The following CRISPLD2 variants were observed in gnomAD, a reference collection of about 807,000 sequenced individuals.
CRISPLD2 encodes cysteine rich secretory protein LCCL domain containing 2, also known as cysteine-rich secretory protein LCCL domain-containing 2.
A neutral mutation model predicts 71.1 loss-of-function variants in CRISPLD2; 47 were observed. That is an observed-to-expected ratio of 0.66 (90% CI 0.52 to 0.84). CRISPLD2 has a LOEUF of 0.84. Ranked by LOEUF, CRISPLD2 falls within the 40% of genes least tolerant of loss-of-function variation. The probability of loss-of-function intolerance (pLI) is 0.00; values close to 1 mark genes in which losing one functional copy is unlikely to be tolerated. For synonymous variants in CRISPLD2, 317 were observed against 250.1 expected, an observed-to-expected ratio of 1.27 and a Z score of -2.52; for missense variants, 830 against 651.1, an observed-to-expected ratio of 1.27 and a Z score of -2.99.
At chr16:84,831,826 C>T (rs577018491) in intron 1 of CRISPLD2, among the ~76,000 whole-genome samples, 13 of 152,322 alleles carry the variant, frequency 8.5e-5, no homozygotes, top group African/African-American at 3.1e-4. Context: ...CCTCCACCTC[C>T]CAGATTCAAG....
At chr16:84,857,266 A>T (rs1917266725) in intron 6 of CRISPLD2, among the ~76,000 whole-genome samples, 1 of 152,234 alleles carries the variant, frequency 6.6e-6, no homozygotes, top group African/African-American at 2.4e-5. Flanking sequence ...GAGGTGACTG[A>T]GGAAAGAGAT....
intron 14 of CRISPLD2, among the ~76,000 whole-genome samples, chr16:84,903,473 T>C (rs1471663418): frequency 6.6e-6 from 1 of 152,018 alleles, no homozygotes; most frequent in East Asian, 1.9e-4. Flanking sequence ...ATGCCTGTAA[T>C]TCCAGCTAGT....
chr16:84,877,732 T>C (rs2244489), intron 12 of CRISPLD2, among the ~76,000 whole-genome samples: 71,365 of 151,670 alleles, frequency 0.47, 19,425 homozygotes, highest in African/African-American at 0.75. Context: ...TGCCTGTAAT[T>C]CCAGCTACTT....
chr16:84,838,742 G>C lies in CRISPLD2; in HGVS notation c.240+7G>C. Reference sequence around the variant, plus strand: ...CTCCAACATGGAGTACATGGTGAGCGCCGGCTCCGGCCGCAGAGGCTGGCA... The same window carrying C: ...CTCCAACATGGAGTACATGGTGAGCCCCGGCTCCGGCCGCAGAGGCTGGCA... On this transcript the variant is annotated splice_region_variant and intron_variant, in intron 2 of 14. Transcript: ENST00000262424. 6.2e-7 allele frequency: 1 copy of C among 1,608,138 alleles called. No individual in the cohort carries two copies. Among genetic ancestry groups the C allele is most frequent in the African/African-American group, 1.3e-5 (1 of 74,978 alleles).
At chr16:84,894,633 A>C (rs1490488668) in intron 14 of CRISPLD2, among the ~76,000 whole-genome samples, 1 of 152,338 alleles carries the variant, frequency 6.6e-6, no homozygotes, top group South Asian at 2.1e-4. Context: ...AGCCAAAGGA[A>C]GAAGTAATGG....
rs34867853 is a variant in CRISPLD2 at position 84,829,828 on chromosome 16, T to G, written c.-74-8594T>G. Among the ~76,000 whole-genome samples the G allele has an allele frequency of 8.6e-3, 1,304 of 152,354 alleles. 19 individuals are homozygous for G. Among genetic ancestry groups the G allele is most frequent in the East Asian group, 0.036 (186 of 5,180 alleles). Reference sequence around the variant, plus strand: ...TATTGTCACAGTGGCCTCATCAGTTTGTGGACCACATGAAATGTTCAGTGC... The same window carrying G: ...TATTGTCACAGTGGCCTCATCAGTTGGTGGACCACATGAAATGTTCAGTGC... On this transcript the variant is annotated intron_variant, in intron 1 of 14. Transcript: ENST00000262424.
chr16:84,871,008 A>T (rs955087847), intron 8 of CRISPLD2, among the ~76,000 whole-genome samples: 2 of 152,158 alleles, frequency 1.3e-5, no homozygotes, highest in African/African-American at 4.8e-5. Context: ...CAATGAGCCG[A>T]GGTGTACTGG....
At chr16:84,838,896 T>C in intron 2 of CRISPLD2, 161 bp downstream of exon 2, 3 of 971,674 alleles carry the variant, frequency 3.1e-6, no homozygotes, top group Non-Finnish European at 4.7e-6. Flanking sequence ...TCTGTTTTGT[T>C]TGTTTGTTTT....
At chr16:84,866,826 T>C in intron 6 of CRISPLD2, 71 bp from the exon 7 acceptor site, 1 of 1,494,428 alleles carries the variant, frequency 6.7e-7, no homozygotes, top group Non-Finnish European at 9.2e-7. Context: ...TCAAATTGCT[T>C]TTTTTTCCCC....
chr16:84,847,437 G>A (rs557958013), intron 3 of CRISPLD2, among the ~76,000 whole-genome samples: 59 of 152,292 alleles, frequency 3.9e-4, no homozygotes, highest in Non-Finnish European at 6.5e-4. Flanking sequence ...AGAATACAAG[G>A]TCAGGAGTTC....
At position 84,838,556 on chromosome 16, in the gene CRISPLD2, C is replaced by G; in HGVS notation, c.61C>G (p.Gln21Glu). The change falls in exon 2 of 15, where the codon CAA (glutamine) becomes GAA (glutamate). Residue 21 changes from glutamine (Q) to glutamate (E), a missense_variant. Transcript: ENST00000262424. ...GCTGCTGTTCCTGGTCTGCGGATCC[C>G]AAGGCTACCTCCTGCCCAACGTCAC... ...LGLLFLVCGS[Q>E]GYLLPNVTLL... The G allele has an allele frequency of 1.2e-6, 2 of 1,614,194 alleles. No homozygotes were observed. The highest frequency in any genetic ancestry group is 1.7e-6 in the Non-Finnish European group (2 of 1,180,032).
chr16:84,855,102 G>C (rs1348650224), intron 6 of CRISPLD2, among the ~76,000 whole-genome samples: 1 of 152,074 alleles, frequency 6.6e-6, no homozygotes, highest in Non-Finnish European at 1.5e-5. Context: ...GCTGGACACA[G>C]CATTAAATGC....
chr16:84,898,507 G>A (rs1235563195), intron 14 of CRISPLD2, among the ~76,000 whole-genome samples: 2 of 152,072 alleles, frequency 1.3e-5, no homozygotes, highest in Admixed American at 1.3e-4. Flanking sequence ...ATACGTTCCT[G>A]GGCTGTTTTA....
chr16:84,855,927 C>T (rs756137216), intron 6 of CRISPLD2, among the ~76,000 whole-genome samples: 10 of 152,150 alleles, frequency 6.6e-5, no homozygotes, highest in African/African-American at 9.7e-5. Flanking sequence ...AAGGAAATAA[C>T]ATGAAGATAT....
chr16:84,856,829 C>T (rs1307253337), intron 6 of CRISPLD2, among the ~76,000 whole-genome samples: 1 of 152,212 alleles, frequency 6.6e-6, no homozygotes, highest in African/African-American at 2.4e-5. Flanking sequence ...CATGAGCCCA[C>T]TGCCACACTT....
intron 8 of CRISPLD2, among the ~76,000 whole-genome samples, chr16:84,869,998 C>T (rs1359193305): frequency 6.6e-6 from 1 of 152,202 alleles, no homozygotes; most frequent in Non-Finnish European, 1.5e-5. Context: ...CTCTTAAAGG[C>T]CTCCAGTCAA....
At chr16:84,858,935 C>T (rs533817649) in intron 6 of CRISPLD2, among the ~76,000 whole-genome samples, 2 of 152,246 alleles carry the variant, frequency 1.3e-5, no homozygotes, top group Non-Finnish European at 2.9e-5. Flanking sequence ...AATCCACTGT[C>T]ATTCTCCAAG....
intron 14 of CRISPLD2, among the ~76,000 whole-genome samples, chr16:84,896,960 T>C (rs908148935): frequency 2.0e-5 from 3 of 152,214 alleles, no homozygotes; most frequent in Admixed American, 1.3e-4. Flanking sequence ...TCCACCCTCC[T>C]TAATCCCGTC....
chr16:84,886,636 A>T (rs1420842076), intron 13 of CRISPLD2, among the ~76,000 whole-genome samples: 1 of 152,200 alleles, frequency 6.6e-6, no homozygotes, highest in African/African-American at 2.4e-5. Context: ...CAGCCTGAGC[A>T]ACATGGTGAA....
Sources: allele counts gnomAD v4.1 joint callset (sites outside exome capture counted in the v4.1 genomes callset), GRCh38; gene constraint gnomAD v4.1.1; transcripts MANE v1.5; gene names NCBI Gene and HGNC (gene_info 2026-07-23, HGNC 2026-07-21).